The following PCDHGB3 variants were observed in gnomAD, a reference collection of about 807,000 sequenced individuals.
The protein encoded by PCDHGB3 is protocadherin gamma subfamily B, 3.
PCDHGB3 carries 40 observed loss-of-function variants against 59.2 expected under a neutral mutation model. The ratio of observed to expected loss-of-function variants is 0.68; its 90% CI spans 0.52 to 0.88. The LOEUF (loss-of-function observed/expected upper bound fraction) is 0.88, where lower values mean the gene tolerates loss of function less well. PCDHGB3 is among the 40% of genes least tolerant of loss of function. The pLI is 0.00. For synonymous variants in PCDHGB3, 581 were observed against 503.6 expected (o/e 1.15, Z -2.06); for missense variants, 1,309 against 1,187.9 (o/e 1.10, Z -1.50).
intron 1 of PCDHGB3, chr5:141,389,298 G>C (rs1440320819): frequency 6.2e-7 from 1 of 1,614,030 alleles, no homozygotes; most frequent in Non-Finnish European, 8.5e-7. Context: ...TATTTCACAA[G>C]TCAGGGCTTC....
At chr5:141,397,887 G>C in intron 1 of PCDHGB3, 1 of 617,602 alleles carries the variant, frequency 1.6e-6, no homozygotes, top group South Asian at 2.4e-5. Flanking sequence ...GCCGCTGTTG[G>C]CCAAAGTGCA....
chr5:141,480,217 G>A (rs1443825272), intron 1 of PCDHGB3, among the ~76,000 whole-genome samples: 2 of 147,950 alleles, frequency 1.4e-5, no homozygotes, highest in Non-Finnish European at 3.0e-5. Context: ...CAGCCTGAGC[G>A]ACATAGTGAG....
chr5:141,485,676 G>A lies in PCDHGB3; in HGVS notation c.2416-9131G>A. The A allele has an allele frequency of 6.2e-7, 1 of 1,612,928 alleles. No individual in the cohort carries two copies. The highest frequency in any genetic ancestry group is 2.2e-5 in the East Asian group (1 of 44,848). On this transcript the variant is annotated intron_variant, in intron 1 of 3. Coordinates refer to ENST00000576222, the MANE Select transcript of PCDHGB3 (RefSeq NM_018924.5). This position sits in a 1 kb window ranked among gnomAD's most constrained non-coding sequence, Gnocchi z 5.7. ...GCAGATGTGGGGAGCAATTCGATTA[G>A]CAGCTATAGGCTGAGCTCCAATGAA...
chr5:141,372,611 T>C lies in PCDHGB3; in HGVS notation c.2217T>C (p.Val739=). ...PGVCFKTVPG[V]LPTYSERTLP... is the part of the protein sequence containing the mutation. The stretch of plus-strand genomic sequence containing the variant: ...TCTGCTTCAAGACTGTACCTGGAGT[T>C]CTCCCCACCTACAGCGAAAGGACTT... The change falls in exon 1 of 4, where the codon GTT becomes GTC. Residue 739 remains valine (V), a synonymous_variant. Transcript: ENST00000576222. 5 of 1,613,998 alleles carry C rather than the reference T, an allele frequency of 3.1e-6. No individual in the cohort carries two copies. Among genetic ancestry groups the C allele is most frequent in the Non-Finnish European group, 4.2e-6 (5 of 1,179,876 alleles).
At chr5:141,414,646 A>G in intron 1 of PCDHGB3, 2 of 1,613,928 alleles carry the variant, frequency 1.2e-6, no homozygotes, top group Non-Finnish European at 1.7e-6. Context: ...GAATGCCCAG[A>G]TTATTTACTC....
At chr5:141,383,577 C>T in intron 1 of PCDHGB3, 1 of 1,613,420 alleles carries the variant, frequency 6.2e-7, no homozygotes, top group Non-Finnish European at 8.5e-7. Context: ...CCAGCACCGC[C>T]CACATCCAGG....
chr5:141,432,094 C>G lies in PCDHGB3; in HGVS notation c.2415+59285C>G. On this transcript the variant is annotated intron_variant, in intron 1 of 3. Transcript: ENST00000576222. This position sits in a 1 kb window ranked among gnomAD's most constrained non-coding sequence, Gnocchi z 6.0. ...ATATCTCGCTGAACGTGGCAGACAC[C>G]AACGACAACCCGCCGGTCTTCCCTC... The G allele has an allele frequency of 6.2e-7, 1 of 1,614,178 alleles. No homozygotes were observed. The highest frequency in any genetic ancestry group is 8.5e-7 in the Non-Finnish European group (1 of 1,180,046).
At chr5:141,427,484 T>C (rs766997973) in intron 1 of PCDHGB3, 7 of 539,726 alleles carry the variant, frequency 1.3e-5, no homozygotes, top group Non-Finnish European at 2.5e-5. Context: ...ATAATGACTA[T>C]AAGCTTGTAA....
At chr5:141,386,302 C>T (rs1192647200) in intron 1 of PCDHGB3, among the ~76,000 whole-genome samples, 1 of 152,174 alleles carries the variant, frequency 6.6e-6, no homozygotes, top group Non-Finnish European at 1.5e-5. Flanking sequence ...TTTAGTAAAG[C>T]TCAGTATATC....
In PCDHGB3 at chr5:141,485,179, C is replaced by G. The variant is rs1405000217; in HGVS notation, c.2416-9628C>G. The G allele has an allele frequency of 1.2e-6, 2 of 1,612,648 alleles. No homozygotes were observed. Among genetic ancestry groups the G allele is most frequent in the African/African-American group, 2.7e-5 (2 of 74,924 alleles). ...AGAATTAGCGGGCGGCAGCAATGCT[C>G]CGCAAGGTGAGAAGCTGGACAGAAA... is the stretch of plus-strand genomic sequence containing the variant. On this transcript the variant is annotated intron_variant, in intron 1 of 3. Transcript: ENST00000576222. This position sits in a 1 kb window ranked among gnomAD's most constrained non-coding sequence, Gnocchi z 5.7.
intron 1 of PCDHGB3, among the ~76,000 whole-genome samples, chr5:141,447,600 T>G (rs769487703): frequency 6.6e-6 from 1 of 151,992 alleles, no homozygotes; most frequent in Non-Finnish European, 1.5e-5. Flanking sequence ...TCCTATAGAG[T>G]CCTTAGCATT....
intron 1 of PCDHGB3, among the ~76,000 whole-genome samples, chr5:141,468,247 C>T (rs925455907): frequency 6.7e-6 from 1 of 149,930 alleles, no homozygotes; most frequent in Non-Finnish European, 1.5e-5. Flanking sequence ...ATTGCCTGAA[C>T]CTGGGAGGCA....
chr5:141,420,415 T>G, intron 1 of PCDHGB3: 1 of 1,217,298 alleles, frequency 8.2e-7, no homozygotes, highest in Non-Finnish European at 1.1e-6. Flanking sequence ...TTATCATTAT[T>G]AAAACAAAAG....
In PCDHGB3 at chr5:141,485,872, G is replaced by A; in HGVS notation, c.2416-8935G>A. ...CCGCAGAGCTCCGGGTATCCGTGCT[G>A]GACGTAAACGACAACGCCCCAGCCT... On this transcript the variant is annotated intron_variant, in intron 1 of 3. Transcript: ENST00000576222. The surrounding 1 kb of genome is among the most constrained non-coding windows in gnomAD (Gnocchi z 5.7). 1 of 1,614,170 alleles carries A rather than the reference G, an allele frequency of 6.2e-7. No homozygotes were observed. The highest frequency in any genetic ancestry group is 2.2e-5 in the East Asian group (1 of 44,876).
chr5:141,459,084 A>T (rs2098960410), intron 1 of PCDHGB3, among the ~76,000 whole-genome samples: 2 of 152,204 alleles, frequency 1.3e-5, no homozygotes, highest in Non-Finnish European at 2.9e-5. Flanking sequence ...TGCCTTTTAA[A>T]ATTATACAGT....
intron 2 of PCDHGB3, among the ~76,000 whole-genome samples, chr5:141,497,219 A>G (rs974609491): frequency 6.7e-6 from 1 of 149,602 alleles, no homozygotes; most frequent in South Asian, 2.1e-4. Context: ...TGGGGGGGGG[A>G]AGATCAGAGA....
At chr5:141,460,335 T>C (rs1201595717) in intron 1 of PCDHGB3, among the ~76,000 whole-genome samples, 3 of 152,194 alleles carry the variant, frequency 2.0e-5, no homozygotes, top group Non-Finnish European at 4.4e-5. Flanking sequence ...CTTATGATGA[T>C]TTTCTCCTAT....
chr5:141,399,813 G>T (rs985564503), intron 1 of PCDHGB3: 1 of 1,613,080 alleles, frequency 6.2e-7, no homozygotes, highest in Admixed American at 1.7e-5. Flanking sequence ...TGTACCCCGC[G>T]CTGGGTCCCG....
chr5:141,468,055 T>G (rs2099156893), intron 1 of PCDHGB3, among the ~76,000 whole-genome samples: 1 of 152,096 alleles, frequency 6.6e-6, no homozygotes, highest in Admixed American at 6.5e-5. Flanking sequence ...CCGGGCACAG[T>G]GGCTCACACC....
Sources: allele counts gnomAD v4.1 joint callset (sites outside exome capture counted in the v4.1 genomes callset), GRCh38; gene constraint gnomAD v4.1.1; non-coding constraint Gnocchi (gnomAD v3.1); transcripts MANE v1.5; gene names NCBI Gene and HGNC (gene_info 2026-07-23, HGNC 2026-07-21).